Variants in CDC14B observed in about 807,000 individuals in gnomAD.
CDC14B encodes the protein dual specificity protein phosphatase CDC14B.
CDC14B carries 22 observed loss-of-function variants against 64.2 expected under a neutral mutation model. The observed-to-expected ratio is 0.34, with a 90% CI of 0.24 to 0.49. The LOEUF (loss-of-function observed/expected upper bound fraction) is 0.49, where lower values mean the gene tolerates loss of function less well. CDC14B is among the 20% of genes least tolerant of loss of function. The pLI is 0.99. For synonymous variants in CDC14B, 191 were observed against 215.8 expected, an observed-to-expected ratio of 0.89 and a Z score of 1.01; for missense variants, 498 against 629.9, an observed-to-expected ratio of 0.79 and a Z score of 2.24.
chr9:96,606,332 CAAAAAAAA>C (rs772460843), intron 1 of CDC14B, among the ~76,000 whole-genome samples: 3 of 21,056 alleles, frequency 1.4e-4, no homozygotes, highest in African/African-American at 2.2e-4. Flanking sequence ...GACTCCATCT[CAAAAAAAA>C]AAAAAAAAAA....
intron 12 of CDC14B, among the ~76,000 whole-genome samples, chr9:96,512,821 C>A (rs893042934): frequency 6.6e-6 from 1 of 151,422 alleles, no homozygotes; most frequent in African/African-American, 2.4e-5. Flanking sequence ...CCCTTACGCA[C>A]GGAGAAAACA....
intron 1 of CDC14B, among the ~76,000 whole-genome samples, chr9:96,572,245 C>T (rs926524349): frequency 9.9e-5 from 15 of 152,182 alleles, no homozygotes; most frequent in Non-Finnish European, 1.5e-4. Flanking sequence ...AAGTGAGTTT[C>T]CCCGATTCCT....
intron 12 of CDC14B, among the ~76,000 whole-genome samples, chr9:96,513,620 G>C: frequency 6.6e-6 from 1 of 152,116 alleles, no homozygotes; most frequent in Admixed American, 6.6e-5. Context: ...AAGGAACACG[G>C]CAAAGCCAAA....
chr9:96,592,364 C>T (rs1423134995), intron 1 of CDC14B, among the ~76,000 whole-genome samples: 2 of 152,218 alleles, frequency 1.3e-5, no homozygotes, highest in African/African-American at 2.4e-5. Context: ...AGGTGTGAAC[C>T]ACCGCACCCA....
Position 96,522,554 on chromosome 9 carries a change from C to T in CDC14B, c.1295G>A (p.Arg432Gln), listed in dbSNP as rs747485484. 5.0e-6 allele frequency: 8 copies of T among 1,613,612 alleles called. No homozygotes were observed. The highest frequency in any genetic ancestry group is 4.0e-5 in the African/African-American group (3 of 74,886). The change falls in exon 12 of 14, where the codon CGG becomes CAG. Residue 432 changes from arginine to glutamine, a missense_variant. Transcript: ENST00000375241. Reference sequence around the variant, plus strand: ...GGATTGTCTTCTGCTTTTCAAGGCCCGAAGTCTATCACCTTGTGTCACTCC... The same window carrying T: ...GGATTGTCTTCTGCTTTTCAAGGCCTGAAGTCTATCACCTTGTGTCACTCC... The part of the protein sequence containing the change: ...INGVTQGDRL[R>Q]ALKSRRQSKT...
At chr9:96,499,475 C>A (rs140783159), downstream of CDC14B, among the ~76,000 whole-genome samples, 4 of 152,346 alleles carry the variant, frequency 2.6e-5, no homozygotes, top group African/African-American at 9.6e-5. Flanking sequence ...GCCGCCCGAC[C>A]TTGGCAGGCA....
Position 96,565,429 on chromosome 9 carries a change from T to C in CDC14B, c.215A>G (p.His72Arg). The change falls in exon 2 of 14, where the codon CAT becomes CGT. Residue 72 changes from histidine to arginine, a missense_variant. By Grantham distance (29) the His-to-Arg change is conservative (BLOSUM62 0). Coordinates refer to ENST00000375241, the MANE Select transcript of CDC14B (RefSeq NM_033331.4). ...AAGTTCATTATCTATGCTGAAATAA[T>C]GTACATTTGATGCACTCTTTGGTCT... ...YSRPKSASNV[H>R]YFSIDNELEY... 1 of 1,610,912 alleles carries C rather than the reference T, an allele frequency of 6.2e-7. No individual in the cohort carries two copies. The highest frequency in any genetic ancestry group is 8.5e-7 in the Non-Finnish European group (1 of 1,177,240).
chr9:96,542,939 T>C (rs1394309525), intron 5 of CDC14B, among the ~76,000 whole-genome samples: 1 of 151,828 alleles, frequency 6.6e-6, no homozygotes, highest in Non-Finnish European at 1.5e-5. Context: ...ACAAGAGAGA[T>C]GGAGGTTGCA....
chr9:96,496,570 G>A (rs1047325707), downstream of CDC14B, among the ~76,000 whole-genome samples: 5 of 152,234 alleles, frequency 3.3e-5, no homozygotes, highest in African/African-American at 1.2e-4. Flanking sequence ...ACACTCCGCG[G>A]CTACTTAAGG....
intron 1 of CDC14B, among the ~76,000 whole-genome samples, chr9:96,605,592 T>C (rs1243949835): frequency 6.6e-6 from 1 of 152,210 alleles, no homozygotes; most frequent in Non-Finnish European, 1.5e-5. Flanking sequence ...CTTCCTGGGA[T>C]CATTTCCCAA....
chr9:96,540,308 G>A (rs1439903840), intron 6 of CDC14B, among the ~76,000 whole-genome samples: 1 of 152,092 alleles, frequency 6.6e-6, no homozygotes, highest in Non-Finnish European at 1.5e-5. Flanking sequence ...TGCTTACACT[G>A]CAAATCAGAA....
chr9:96,500,350 G>GT lies in CDC14B; in HGVS notation c.*3402dup, dbSNP rs1418819018. 6.6e-6 allele frequency: 1 copy of GT among 152,174 alleles called. No individual in the cohort carries two copies. The highest frequency in any genetic ancestry group is 6.5e-5 in the Admixed American group (1 of 15,268). The allele number at this position is 152,174 out of a possible 1,614,324, so 9.4% of individuals were successfully genotyped here. The stretch of plus-strand genomic sequence containing the variant: ...AAAAATATGATTAGAAATATACGCT[G>GT]TAAAAAAAAATCAAGACAATGATTG... On this transcript the variant is annotated 3_prime_UTR_variant, in exon 14 of 14. Coordinates refer to ENST00000375241, the MANE Select transcript of CDC14B (RefSeq NM_033331.4).
intron 7 of CDC14B, among the ~76,000 whole-genome samples, chr9:96,537,506 C>G (rs1286989878): frequency 3.9e-5 from 6 of 152,216 alleles, no homozygotes; most frequent in Admixed American, 2.0e-4. Context: ...GAGAGGCATT[C>G]CTGGGCCTTC....
chr9:96,575,227 T>G (rs540648789), intron 1 of CDC14B, among the ~76,000 whole-genome samples: 1 of 152,322 alleles, frequency 6.6e-6, no homozygotes, highest in African/African-American at 2.4e-5. Context: ...TCCTTGTGGT[T>G]GTCCGATGTG....
chr9:96,554,884 T>A (rs1842295224), intron 4 of CDC14B, among the ~76,000 whole-genome samples: 1 of 152,194 alleles, frequency 6.6e-6, no homozygotes, highest in South Asian at 2.1e-4. Context: ...ACTCCTACAT[T>A]AACACAAATT....
At chr9:96,561,920 T>C (rs1843264233) in intron 4 of CDC14B, among the ~76,000 whole-genome samples, 1 of 151,956 alleles carries the variant, frequency 6.6e-6, no homozygotes, top group African/African-American at 2.4e-5. Context: ...ACACAGGGGG[T>C]AGTACTCTGG....
intron 1 of CDC14B, among the ~76,000 whole-genome samples, chr9:96,616,170 A>G (rs1210078529): frequency 6.6e-6 from 1 of 152,120 alleles, no homozygotes; most frequent in East Asian, 1.9e-4. Context: ...TACTAAAATT[A>G]CAAAAATTAG....
chr9:96,579,008 G>A (rs76323545), intron 1 of CDC14B, among the ~76,000 whole-genome samples: 12 of 151,976 alleles, frequency 7.9e-5, no homozygotes, highest in Admixed American at 7.2e-4. Context: ...AGTAGAGACA[G>A]GGTTTCACCA....
chr9:96,529,514 C>T (rs1363134196), intron 9 of CDC14B, among the ~76,000 whole-genome samples: 3 of 125,916 alleles, frequency 2.4e-5, no homozygotes, highest in South Asian at 2.4e-4. Context: ...TTTTTTGAGA[C>T]GGGATCTCAC....
Sources: gnomAD v4.1 joint callset for allele counts (sites outside exome capture counted in the v4.1 genomes callset) on GRCh38, gnomAD v4.1.1 for gene constraint, MANE v1.5 for transcripts, NCBI Gene and HGNC (gene_info 2026-07-23, HGNC 2026-07-21) for gene names.